KCNJ14: variants seen among roughly 807,000 people sequenced by gnomAD.
The protein encoded by KCNJ14 is potassium inwardly rectifying channel subfamily J member 14.
A neutral mutation model predicts 24.5 loss-of-function variants in KCNJ14; 18 were observed. That is an observed-to-expected ratio of 0.74 (90% CI 0.51 to 1.09). The LOEUF (loss-of-function observed/expected upper bound fraction) is 1.09. Ranked by LOEUF, KCNJ14 falls within the 50% of genes least tolerant of loss-of-function variation. KCNJ14 has a pLI of 0.00. For missense variants in KCNJ14, 633 were observed against 623.0 expected (o/e 1.02, Z -0.17); for synonymous variants, 288 against 270.8 (o/e 1.06, Z -0.63).
chr19:48,456,584 T>C (rs1971541520), intron 1 of KCNJ14: 1 of 152,214 alleles, frequency 6.6e-6, no homozygotes, highest in Non-Finnish European at 1.5e-5. Flanking sequence ...CTCATGGTCT[T>C]CTTTCCAAAT....
At chr19:48,460,485 C>G (rs546999847) in intron 1 of KCNJ14, among the ~76,000 whole-genome samples, 1 of 152,090 alleles carries the variant, frequency 6.6e-6, no homozygotes, top group African/African-American at 2.4e-5. Context: ...TCAGGTGATC[C>G]GCCCGCCTCG....
Position 48,464,631 on chromosome 19 carries a change from T to C in KCNJ14, c.1165T>C (p.Cys389Arg), listed in dbSNP as rs773723083. The C allele has an allele frequency of 6.2e-7, 1 of 1,614,134 alleles. No individual in the cohort carries two copies. Among genetic ancestry groups the C allele is most frequent in the Non-Finnish European group, 8.5e-7 (1 of 1,180,028 alleles). ...SSFPGSLTAF[C>R]YENELALSCC... ...TTTCCCCGGCTCTCTGACTGCATTT[T>C]GTTATGAGAATGAACTTGCTCTGAG... The change falls in exon 3 of 3, where the codon TGT (cysteine) becomes CGT (arginine). Residue 389 changes from cysteine to arginine, a missense_variant. Coordinates refer to ENST00000342291, the MANE Select transcript of KCNJ14 (RefSeq NM_013348.4).
At chr19:48,458,662 G>A (rs1971561109) in intron 1 of KCNJ14, among the ~76,000 whole-genome samples, 1 of 152,028 alleles carries the variant, frequency 6.6e-6, no homozygotes, top group African/African-American at 2.4e-5. Flanking sequence ...CAGCTTCCTC[G>A]GCCTCGCAAA....
In KCNJ14 at chr19:48,462,771, G is replaced by A. The variant is rs1277204491; in HGVS notation, c.714+333G>A. ...AATTCCCAGAAGCCTCTGGGTCAAG[G>A]GACCTGTCCAAAGATGGGGTGGCCT... On this transcript the variant is annotated intron_variant, in intron 2 of 2. Coordinates refer to ENST00000342291, the MANE Select transcript of KCNJ14 (RefSeq NM_013348.4). This position sits in a 1 kb window ranked among gnomAD's most constrained non-coding sequence, Gnocchi z 4.9. 6.6e-6 allele frequency among the ~76,000 whole-genome samples: 1 copy of A among 152,176 alleles called. No homozygotes were observed. Among genetic ancestry groups the A allele is most frequent in the African/African-American group, 2.4e-5 (1 of 41,450 alleles).
chr19:48,462,776 T>C lies in KCNJ14; in HGVS notation c.714+338T>C, dbSNP rs771123536. On this transcript the variant is annotated intron_variant, in intron 2 of 2. Transcript: ENST00000342291. This position sits in a 1 kb window ranked among gnomAD's most constrained non-coding sequence, Gnocchi z 4.9. ...CCAGAAGCCTCTGGGTCAAGGGACC[T>C]GTCCAAAGATGGGGTGGCCTCAGAT... 3.0e-4 allele frequency among the ~76,000 whole-genome samples: 45 copies of C among 152,274 alleles called. No homozygotes were observed. In the Middle Eastern group the frequency reaches 0.02, roughly 69 times the overall value.
In KCNJ14 at chr19:48,464,404, CCA is replaced by C; in HGVS notation, c.943_944del (p.Gln315ValfsTer9). ...GGGATGGTTGAGGCCACAGCCATGA[CCA>C]CACAGTGTCGCTCGTCCTACCTCCC... On this transcript the variant is annotated frameshift_variant, in exon 3 of 3. Coordinates refer to ENST00000342291, the MANE Select transcript of KCNJ14 (RefSeq NM_013348.4). LOFTEE classifies it high-confidence loss of function. 2 of 1,613,648 alleles carry C rather than the reference CCA, an allele frequency of 1.2e-6. No individual in the cohort carries two copies. Among genetic ancestry groups the C allele is most frequent in the Non-Finnish European group, 8.5e-7 (1 of 1,179,834 alleles).
chr19:48,459,977 G>A (rs1010748023), intron 1 of KCNJ14, among the ~76,000 whole-genome samples: 17 of 150,642 alleles, frequency 1.1e-4, no homozygotes, highest in South Asian at 2.1e-4. Context: ...CCAAGATCGC[G>A]CTACTGCACT....
intron 1 of KCNJ14, among the ~76,000 whole-genome samples, chr19:48,460,430 A>C (rs1971582887): frequency 2.6e-5 from 4 of 151,996 alleles, no homozygotes; most frequent in Admixed American, 2.6e-4. Flanking sequence ...TTTAGTAGAG[A>C]TGGGGTTTCT....
At chr19:48,463,963 G>C (rs1405201773) in intron 2 of KCNJ14, among the ~76,000 whole-genome samples, 1 of 151,658 alleles carries the variant, frequency 6.6e-6, no homozygotes, top group African/African-American at 2.4e-5. Context: ...CTCCCCTCCT[G>C]GGTCTCTGGC....
chr19:48,464,009 C>A (rs966706128), intron 2 of KCNJ14, among the ~76,000 whole-genome samples, 172 bp from the exon 3 acceptor site: 38 of 152,110 alleles, frequency 2.5e-4, no homozygotes, highest in Non-Finnish European at 4.7e-4. Context: ...CCCTGCCTCT[C>A]TGACTTCCTC....
In KCNJ14 at chr19:48,464,800, C is replaced by T. The variant is rs116465275; in HGVS notation, c.*23C>T. On this transcript the variant is annotated 3_prime_UTR_variant, in exon 3 of 3. Coordinates refer to ENST00000342291, the MANE Select transcript of KCNJ14 (RefSeq NM_013348.4). ...TGATGCAAACTGATGTCCCCTTCCCCGTGTATGCCCCCTTCCCCAAGGTAG... is the reference window on the plus strand; with the variant it reads ...TGATGCAAACTGATGTCCCCTTCCCTGTGTATGCCCCCTTCCCCAAGGTAG... The T allele has an allele frequency of 1.8e-3, 2,758 of 1,527,486 alleles. 45 individuals are homozygous for T. In the African/African-American group the frequency reaches 0.034, roughly 19 times the overall value. The allele number at this position is 1,527,486 out of a possible 1,614,324, so 94.6% of individuals were successfully genotyped here.
intron 1 of KCNJ14, among the ~76,000 whole-genome samples, chr19:48,459,515 C>T (rs1971572205): frequency 6.6e-6 from 1 of 152,148 alleles, no homozygotes; most frequent in African/African-American, 2.4e-5. Context: ...CCACCTCAAC[C>T]TTCCAAGTAA....
intron 1 of KCNJ14, 117 bp from the exon 2 acceptor site, chr19:48,461,553 C>G: frequency 2.1e-5 from 7 of 331,226 alleles, no homozygotes; most frequent in East Asian, 4.3e-5. Context: ...AAAAAAAATG[C>G]GTATCGTTCC....
chr19:48,457,811 G>A (rs1327230166), intron 1 of KCNJ14, among the ~76,000 whole-genome samples: 1 of 151,990 alleles, frequency 6.6e-6, no homozygotes, highest in Non-Finnish European at 1.5e-5. Context: ...CCGAGTAGCT[G>A]GGATTACAGG....
intron 1 of KCNJ14, among the ~76,000 whole-genome samples, chr19:48,459,240 CAAAAA>C (rs748195965): frequency 1.7e-5 from 1 of 59,194 alleles, no homozygotes; most frequent in African/African-American, 5.7e-5. Flanking sequence ...ACTCCGTCTC[CAAAAA>C]AAAAAAAAAA....
rs193244792 is a variant in KCNJ14 at position 48,465,123 on chromosome 19, G to A, written c.*346G>A. 10 of 249,968 alleles carry A rather than the reference G, an allele frequency of 4.0e-5. No individual in the cohort carries two copies. The highest frequency in any genetic ancestry group is 7.0e-5 in the Non-Finnish European group (9 of 128,892). The allele number at this position is 249,968 out of a possible 1,614,324, so 15.5% of individuals were successfully genotyped here. ...GGGTGAGAAGCCAATGGTATAGACT[G>A]CCTCTGGGGAAGCAAGTTGGCAGTT... On this transcript the variant is annotated 3_prime_UTR_variant, in exon 3 of 3. Transcript: ENST00000342291.
chr19:48,459,661 G>A (rs528919148), intron 1 of KCNJ14, among the ~76,000 whole-genome samples: 9 of 152,190 alleles, frequency 5.9e-5, no homozygotes, highest in South Asian at 2.1e-4. Flanking sequence ...CTCCCAAAGC[G>A]CTAGGATACA....
chr19:48,463,881 C>T (rs139515205), intron 2 of KCNJ14, among the ~76,000 whole-genome samples: 2 of 152,146 alleles, frequency 1.3e-5, no homozygotes, highest in East Asian at 3.9e-4. Context: ...ACCCCCAAAC[C>T]CTGAGTCTCT....
At chr19:48,460,265 CAG>C (rs1377568999) in intron 1 of KCNJ14, among the ~76,000 whole-genome samples, 1 of 150,678 alleles carries the variant, frequency 6.6e-6, no homozygotes, top group African/African-American at 2.5e-5. Context: ...TTTTTTGAGA[CAG>C]AGTTTCACTC....
Sources: gnomAD v4.1 joint callset for allele counts (sites outside exome capture counted in the v4.1 genomes callset) on GRCh38, gnomAD v4.1.1 for gene constraint, Gnocchi (gnomAD v3.1) non-coding constraint, MANE v1.5 for transcripts, NCBI Gene and HGNC (gene_info 2026-07-23, HGNC 2026-07-21) for gene names.